Variants in EYS observed in about 807,000 individuals in gnomAD.
EYS encodes the protein EGF-like photoreceptor maintenance factor, also known as protein eyes shut homolog.
Under a neutral mutation model 282.1 loss-of-function variants are expected in EYS, and 250 were observed. That is an observed-to-expected ratio of 0.89 (90% CI 0.80 to 0.98). The LOEUF (loss-of-function observed/expected upper bound fraction) is 0.98. Among genes scored for constraint, EYS ranks in the 50% least tolerant of loss-of-function variants. The probability of loss-of-function intolerance (pLI) is 0.00; values close to 1 mark genes in which losing one functional copy is unlikely to be tolerated. For missense variants in EYS, 4,016 were observed against 3,709.0 expected (o/e 1.08, Z -2.15); for synonymous variants, 1,355 against 1,282.9 (o/e 1.06, Z -1.20).
At chr6:65,294,313 A>G (rs1768605111) in intron 12 of EYS, among the ~76,000 whole-genome samples, 1 of 151,970 alleles carries the variant, frequency 6.6e-6, no homozygotes, top group Non-Finnish European at 1.5e-5. Flanking sequence ...GACTGAACTG[A>G]GGAAAGCCAG....
At chr6:64,006,626 G>A (rs1582119587) in intron 33 of EYS, among the ~76,000 whole-genome samples, 1 of 152,202 alleles carries the variant, frequency 6.6e-6, no homozygotes, top group East Asian at 1.9e-4. Flanking sequence ...CTGTGGATTT[G>A]TTATCAATGG....
chr6:63,980,160 G>C (rs748162814), intron 35 of EYS, among the ~76,000 whole-genome samples: 4 of 151,592 alleles, frequency 2.6e-5, no homozygotes, highest in Non-Finnish European at 2.9e-5. Flanking sequence ...CTTGTGTAGA[G>C]AGCCAATTTC....
At chr6:64,411,942 T>G in intron 28 of EYS, among the ~76,000 whole-genome samples, 1 of 151,516 alleles carries the variant, frequency 6.6e-6, no homozygotes, top group Non-Finnish European at 1.5e-5. Flanking sequence ...TATATGTTTA[T>G]ATATGCATGC....
intron 36 of EYS, among the ~76,000 whole-genome samples, chr6:63,826,367 C>T (rs928857068): frequency 6.6e-6 from 1 of 152,108 alleles, no homozygotes; most frequent in African/African-American, 2.4e-5. Flanking sequence ...ACATAGACAT[C>T]CAAATACAAG....
In EYS at chr6:64,902,443, T is replaced by C; in HGVS notation, c.2699A>G (p.Gln900Arg). Residue 900 changes from glutamine to arginine, a missense_variant, in exon 17 of 43, where the codon CAG (glutamine) becomes CGG (arginine). By Grantham distance (43) the Gln-to-Arg change is conservative. Transcript: ENST00000503581. ...DVKDCLFLSC[Q>R]DYGDCEDMVN... ...CATATCTTCACAGTCACCATAATCC[T>C]GGCAGGAAAGGAAGAGGCAGTCTTT... 2 of 1,532,540 alleles carry C rather than the reference T, an allele frequency of 1.3e-6. No individual in the cohort carries two copies. Among genetic ancestry groups the C allele is most frequent in the Non-Finnish European group, 1.8e-6 (2 of 1,142,282 alleles). The allele number at this position is 1,532,540 out of a possible 1,614,324, so 94.9% of individuals were successfully genotyped here.
At chr6:64,376,792 A>AT (rs11284057) in intron 29 of EYS, among the ~76,000 whole-genome samples, 2 of 151,880 alleles carry the variant, frequency 1.3e-5, no homozygotes, top group South Asian at 4.2e-4. Flanking sequence ...AATAAAATTT[A>AT]TTTTTTTTAA....
chr6:65,259,163 AG>A (rs1406915014), intron 12 of EYS, among the ~76,000 whole-genome samples: 1 of 152,058 alleles, frequency 6.6e-6, no homozygotes, highest in Non-Finnish European at 1.5e-5. Flanking sequence ...TATTGAAGTA[AG>A]TTGAGACTTT....
At chr6:65,698,802 T>C (rs1407140572) in intron 1 of EYS, among the ~76,000 whole-genome samples, 1 of 152,220 alleles carries the variant, frequency 6.6e-6, no homozygotes, top group Non-Finnish European at 1.5e-5. Flanking sequence ...GTTTGCTAGT[T>C]AATTCTTGAA....
At chr6:65,371,819 TGAGA>T (rs1285546803) in intron 8 of EYS, among the ~76,000 whole-genome samples, 3 of 134,964 alleles carry the variant, frequency 2.2e-5, no homozygotes, top group African/African-American at 8.4e-5. Flanking sequence ...ACAGACAGAA[TGAGA>T]GAGAGAGACA....
intron 22 of EYS, among the ~76,000 whole-genome samples, chr6:64,724,762 A>G (rs545643077): frequency 6.6e-6 from 1 of 152,332 alleles, no homozygotes; most frequent in East Asian, 1.9e-4. Context: ...AGGTTAAAAA[A>G]TAGCATTTGT....
chr6:64,167,598 C>A (rs1764333218), intron 31 of EYS, among the ~76,000 whole-genome samples: 1 of 152,142 alleles, frequency 6.6e-6, no homozygotes, highest in Non-Finnish European at 1.5e-5. Flanking sequence ...CTCTGACTTT[C>A]TGACTTACAG....
chr6:65,129,047 A>G (rs1387081933), intron 12 of EYS, among the ~76,000 whole-genome samples: 1 of 152,028 alleles, frequency 6.6e-6, no homozygotes, highest in Non-Finnish European at 1.5e-5. Context: ...TTTTACAAAA[A>G]TAATCAATGA....
At chr6:65,137,737 A>T (rs1776062107) in intron 12 of EYS, among the ~76,000 whole-genome samples, 1 of 151,902 alleles carries the variant, frequency 6.6e-6, no homozygotes, top group Non-Finnish European at 1.5e-5. Context: ...AATGGGTGGC[A>T]TTTGTGTATT....
At chr6:64,973,768 A>T in intron 14 of EYS, among the ~76,000 whole-genome samples, 1 of 151,936 alleles carries the variant, frequency 6.6e-6, no homozygotes, top group East Asian at 1.9e-4. Flanking sequence ...ATGGAAAATT[A>T]TTCTTTGGAA....
Position 65,562,834 on chromosome 6 carries a change from C to T in EYS, c.-332-66841G>A, listed in dbSNP as rs376149880. Among the ~76,000 whole-genome samples the T allele has an allele frequency of 3.3e-5, 5 of 152,094 alleles. No individual in the cohort carries two copies. The East Asian group carries it at 7.7e-4, about 24-fold the overall frequency. On this transcript the variant is annotated intron_variant, in intron 2 of 42. Transcript: ENST00000503581. ...TTTTAACAGTCCTCTGCATGAAGTA[C>T]AGTTTAAATAATTTTGTAAAAATGT...
chr6:65,310,473 C>T (rs1769126974), intron 11 of EYS, among the ~76,000 whole-genome samples: 1 of 152,056 alleles, frequency 6.6e-6, no homozygotes, highest in African/African-American at 2.4e-5. Flanking sequence ...TTCCCTCCCT[C>T]ACACACTATG....
chr6:64,333,000 G>T (rs776231544), intron 29 of EYS, among the ~76,000 whole-genome samples: 3 of 152,126 alleles, frequency 2.0e-5, no homozygotes, highest in African/African-American at 7.2e-5. Context: ...AAGGGGACTA[G>T]GATGACTGTC....
At chr6:63,928,603 G>A (rs576304906) in intron 35 of EYS, among the ~76,000 whole-genome samples, 8 of 152,094 alleles carry the variant, frequency 5.3e-5, no homozygotes, top group East Asian at 3.9e-4. Flanking sequence ...AGTATATATC[G>A]TTACATATAT....
chr6:64,898,186 T>C (rs1767534841), intron 18 of EYS, among the ~76,000 whole-genome samples: 1 of 151,804 alleles, frequency 6.6e-6, no homozygotes, highest in Admixed American at 6.6e-5. Context: ...AAGGAAAAAA[T>C]GTTAAGGGCA....
Sources: gnomAD v4.1 joint callset for allele counts (sites outside exome capture counted in the v4.1 genomes callset) on GRCh38, gnomAD v4.1.1 for gene constraint, MANE v1.5 for transcripts, NCBI Gene and HGNC (gene_info 2026-07-23, HGNC 2026-07-21) for gene names.